DNAH7: variants seen among roughly 807,000 people sequenced by gnomAD.
DNAH7 encodes the protein dynein axonemal heavy chain 7, also known as axonemal beta dynein heavy chain 7.
DNAH7 carries 397 observed loss-of-function variants against 444.6 expected under a neutral mutation model. The ratio of observed to expected loss-of-function variants is 0.89; its 90% CI spans 0.82 to 0.97. The LOEUF is 0.97. Ranked by LOEUF, DNAH7 falls within the 50% of genes least tolerant of loss-of-function variation. The pLI, the probability that DNAH7 is intolerant of heterozygous loss-of-function variation, is 0.00. For missense variants in DNAH7, 4,902 were observed against 4,800.8 expected, an observed-to-expected ratio of 1.02 and a Z score of -0.62; for synonymous variants, 1,636 against 1,624.4, an observed-to-expected ratio of 1.01 and a Z score of -0.17.
chr2:195,752,002 G>A (rs904514232), intron 63 of DNAH7, among the ~76,000 whole-genome samples: 1 of 152,200 alleles, frequency 6.6e-6, no homozygotes, highest in African/African-American at 2.4e-5. Context: ...CAGGTGCAGT[G>A]GCTCACGCCT....
intron 34 of DNAH7, 27 bp from the exon 35 acceptor site, chr2:195,884,836 G>A: frequency 6.4e-7 from 1 of 1,562,888 alleles, no homozygotes; most frequent in Admixed American, 1.7e-5. Context: ...AGAAGATTAA[G>A]AACAATTAAA....
chr2:195,792,614 CA>C (rs1695938941), intron 57 of DNAH7, among the ~76,000 whole-genome samples: 1 of 152,024 alleles, frequency 6.6e-6, no homozygotes, highest in South Asian at 2.1e-4. Flanking sequence ...CATCAACTGA[CA>C]AAATTGAAAC....
intron 19 of DNAH7, among the ~76,000 whole-genome samples, chr2:195,943,883 A>T (rs892393630): frequency 2.6e-5 from 4 of 152,192 alleles, no homozygotes; most frequent in Non-Finnish European, 5.9e-5. Flanking sequence ...CAACTGGTCA[A>T]CCATATAATT....
At position 195,873,757 on chromosome 2, in the gene DNAH7, A is replaced by C; in HGVS notation, c.6287-63T>G. On this transcript the variant is annotated intron_variant, in intron 38 of 64. Transcript: ENST00000312428. ...AGTATATACAAGAGTATTTTCTCAAATATTCTATAGTTTAAAGTAACTTGA... is the reference window on the plus strand; with the variant it reads ...AGTATATACAAGAGTATTTTCTCAACTATTCTATAGTTTAAAGTAACTTGA... 2.4e-6 allele frequency: 3 copies of C among 1,246,246 alleles called. No individual in the cohort carries two copies. The South Asian group carries it at 6.3e-5, about 26-fold the overall frequency. The allele number at this position is 1,246,246 out of a possible 1,614,324, so 77.2% of individuals were successfully genotyped here.
At chr2:195,814,949 C>T (rs1040862780) in intron 51 of DNAH7, among the ~76,000 whole-genome samples, 2 of 151,890 alleles carry the variant, frequency 1.3e-5, no homozygotes, top group Non-Finnish European at 2.9e-5. Flanking sequence ...GCCATGTTGT[C>T]CAGGCTGGTC....
Position 195,876,598 on chromosome 2 carries a change from T to C in DNAH7, c.6063A>G (p.Ser2021=). 1 of 1,613,900 alleles carries C rather than the reference T, an allele frequency of 6.2e-7. No individual in the cohort carries two copies. Among genetic ancestry groups the C allele is most frequent in the Non-Finnish European group, 8.5e-7 (1 of 1,179,864 alleles). ...TAAQTQNIVM[S]KLDKRRKGVF... Reference sequence around the variant, plus strand: ...CTCCCTTTCTTCTCTTGTCCAATTTTGACATGACAATATTCTGAGTTTGAG... The same window carrying C: ...CTCCCTTTCTTCTCTTGTCCAATTTCGACATGACAATATTCTGAGTTTGAG... Residue 2021 remains serine (S), a synonymous_variant, in exon 37 of 65, where the codon TCA becomes TCG. Transcript: ENST00000312428.
chr2:195,814,965 C>T (rs1253570955), intron 51 of DNAH7, among the ~76,000 whole-genome samples: 1 of 151,936 alleles, frequency 6.6e-6, no homozygotes, highest in African/African-American at 2.4e-5. Context: ...TGGTCTCAAA[C>T]TCCTGGACTC....
intron 25 of DNAH7, among the ~76,000 whole-genome samples, chr2:195,909,071 G>A (rs951008078): frequency 3.3e-5 from 5 of 151,976 alleles, no homozygotes; most frequent in Non-Finnish European, 2.9e-5. Flanking sequence ...ATGGACACTG[G>A]GGCCTGTTTG....
At chr2:196,046,066 C>CA (rs938613349) in intron 5 of DNAH7, among the ~76,000 whole-genome samples, 58 of 144,608 alleles carry the variant, frequency 4.0e-4, no homozygotes, top group Admixed American at 1.0e-3. Flanking sequence ...AACACAGAAA[C>CA]AAAAAAAAAA....
At chr2:195,919,598 T>TC (rs1687899062) in intron 24 of DNAH7, among the ~76,000 whole-genome samples, 1 of 151,854 alleles carries the variant, frequency 6.6e-6, no homozygotes, top group South Asian at 2.1e-4. Flanking sequence ...ATCCACCTCA[T>TC]CCTCCCAAAG....
Position 195,834,363 on chromosome 2 carries a change from GA to G in DNAH7, c.8946-4del. ...TCAGAGGCCACCTTCTTGCATTCCT[GA>G]AAAGGAGGAGAAAGACGATGCTGGT... is the stretch of plus-strand genomic sequence containing the variant. On this transcript the variant is annotated splice_region_variant and splice_polypyrimidine_tract_variant and intron_variant, in intron 47 of 64. Transcript: ENST00000312428. 1 of 1,585,214 alleles carries G rather than the reference GA, an allele frequency of 6.3e-7. No individual in the cohort carries two copies.
At chr2:195,827,274 TTTAA>T (rs1350436723) in intron 48 of DNAH7, among the ~76,000 whole-genome samples, 2 of 152,206 alleles carry the variant, frequency 1.3e-5, no homozygotes, top group African/African-American at 4.8e-5. Context: ...CTTGTTCTTA[TTTAA>T]TTAATTAATT....
At chr2:196,016,966 T>C (rs1004680909) in intron 9 of DNAH7, among the ~76,000 whole-genome samples, 11 of 152,134 alleles carry the variant, frequency 7.2e-5, no homozygotes, top group African/African-American at 2.7e-4. Context: ...TATTGAAATA[T>C]ATGTAGGATA....
At chr2:196,025,953 G>A (rs1695661687) in intron 7 of DNAH7, among the ~76,000 whole-genome samples, 1 of 152,044 alleles carries the variant, frequency 6.6e-6, no homozygotes, top group Non-Finnish European at 1.5e-5. Context: ...AGATTCCAAG[G>A]CCCTGACTCC....
intron 19 of DNAH7, among the ~76,000 whole-genome samples, chr2:195,953,537 C>A (rs1259450199): frequency 6.6e-6 from 1 of 152,160 alleles, no homozygotes; most frequent in Admixed American, 6.5e-5. Context: ...GTGCCCACAG[C>A]CGCCCCTTCC....
chr2:196,012,836 T>C lies in DNAH7; in HGVS notation c.940A>G (p.Asn314Asp). ...GAGTCCATGTGTCTCATGATAATGTTCTGAAAACTTGACAGCTCTAATGCA... is the reference window on the plus strand; with the variant it reads ...GAGTCCATGTGTCTCATGATAATGTCCTGAAAACTTGACAGCTCTAATGCA... The part of the protein sequence containing the change: ...QDALELSSFQ[N>D]IIMRHMDSAK... Residue 314 changes from asparagine (N) to aspartate (D), a missense_variant, in exon 10 of 65, where the codon AAC becomes GAC. Physicochemically the swap from Asn to Asp is conservative, Grantham distance 23. Coordinates refer to ENST00000312428, the MANE Select transcript of DNAH7 (RefSeq NM_018897.3). 1 of 1,580,620 alleles carries C rather than the reference T, an allele frequency of 6.3e-7. No homozygotes were observed. Among genetic ancestry groups the C allele is most frequent in the Non-Finnish European group, 8.6e-7 (1 of 1,165,380 alleles).
Position 195,861,764 on chromosome 2 carries a change from G to T in DNAH7, c.7689C>A (p.Tyr2563Ter). The T allele has an allele frequency of 6.2e-7, 1 of 1,613,464 alleles. No individual in the cohort carries two copies. The highest frequency in any genetic ancestry group is 2.2e-5 in the East Asian group (1 of 44,864). ...QRYNYVTPTS[Y>*]LELISTFKLL... Reference sequence around the variant, plus strand: ...GTTTGAAGGTGGAGATTAATTCGAGGTAAGAGGTAGGAGTCACATAATTGT... The same window carrying T: ...GTTTGAAGGTGGAGATTAATTCGAGTTAAGAGGTAGGAGTCACATAATTGT... The change falls in exon 42 of 65, where the codon TAC becomes TAA. Residue 2563 changes from tyrosine (Y) to a stop codon, truncating the protein, a stop_gained. Transcript: ENST00000312428. LOFTEE classifies it high-confidence loss of function.
chr2:195,879,876 T>C (rs970601190), intron 36 of DNAH7, among the ~76,000 whole-genome samples: 1 of 152,146 alleles, frequency 6.6e-6, no homozygotes, highest in Non-Finnish European at 1.5e-5. Context: ...ACTAAGTAAA[T>C]TGTATGAAAT....
intron 59 of DNAH7, among the ~76,000 whole-genome samples, chr2:195,777,565 G>A (rs560084237): frequency 1.3e-5 from 2 of 152,084 alleles, no homozygotes; most frequent in African/African-American, 4.8e-5. Context: ...CAGAACTTCA[G>A]GTCACTGAAA....
Sources: gnomAD v4.1 joint callset for allele counts (sites outside exome capture counted in the v4.1 genomes callset) on GRCh38, gnomAD v4.1.1 for gene constraint, MANE v1.5 for transcripts, NCBI Gene and HGNC (gene_info 2026-07-23, HGNC 2026-07-21) for gene names.